The following RTTN variants were observed in gnomAD, a reference collection of about 807,000 sequenced individuals.
RTTN encodes rotatin.
A neutral mutation model predicts 269.2 loss-of-function variants in RTTN; 182 were observed. The ratio of observed to expected loss-of-function variants is 0.68; its 90% CI spans 0.60 to 0.76. The LOEUF is 0.76. Among genes scored for constraint, RTTN ranks in the 30% least tolerant of loss-of-function variants. The pLI, the probability that RTTN is intolerant of heterozygous loss-of-function variation, is 0.00. For missense variants in RTTN, 2,545 were observed against 2,608.6 expected (o/e 0.98, Z 0.53); for synonymous variants, 1,006 against 963.5 (o/e 1.04, Z -0.82).
intron 17 of RTTN, among the ~76,000 whole-genome samples, chr18:70,146,173 C>T (rs538595752): frequency 2.0e-5 from 3 of 152,082 alleles, no homozygotes; most frequent in African/African-American, 4.8e-5. Context: ...TTAAGTTGAA[C>T]CCACAGGAGA....
At chr18:70,050,774 T>C (rs2144801251) in intron 39 of RTTN, among the ~76,000 whole-genome samples, 1 of 152,268 alleles carries the variant, frequency 6.6e-6, no homozygotes, top group Non-Finnish European at 1.5e-5. Flanking sequence ...TCCTTTCAGG[T>C]ACACGGATGA....
chr18:70,199,322 G>A (rs1600079546), intron 5 of RTTN, 92 bp downstream of exon 5: 1 of 795,926 alleles, frequency 1.3e-6, no homozygotes, highest in Non-Finnish European at 2.0e-6. Flanking sequence ...ACTGCCACTA[G>A]TATCTTTTCC....
intron 32 of RTTN, among the ~76,000 whole-genome samples, chr18:70,079,447 C>T (rs906643548): frequency 1.3e-5 from 2 of 152,092 alleles, no homozygotes; most frequent in African/African-American, 4.8e-5. Flanking sequence ...CAGGCTCAGG[C>T]TTTCACAGAT....
chr18:70,067,106 C>T (rs993603107), intron 34 of RTTN, among the ~76,000 whole-genome samples: 1 of 151,524 alleles, frequency 6.6e-6, no homozygotes, highest in Non-Finnish European at 1.5e-5. Flanking sequence ...CATCAAATGC[C>T]TTATTTTATA....
chr18:70,164,717 C>T (rs1038427796), intron 14 of RTTN, among the ~76,000 whole-genome samples: 2 of 152,062 alleles, frequency 1.3e-5, no homozygotes, highest in Middle Eastern at 6.8e-3. Flanking sequence ...AATAAGAGTT[C>T]CACTTGGAGA....
At chr18:70,146,578 G>A (rs1471360472) in intron 17 of RTTN, among the ~76,000 whole-genome samples, 1 of 152,130 alleles carries the variant, frequency 6.6e-6, no homozygotes. Flanking sequence ...CATCATTAGG[G>A]TGGCCCTCCT....
At chr18:70,202,928 C>T (rs1357423464) in intron 3 of RTTN, among the ~76,000 whole-genome samples, 2 of 151,348 alleles carry the variant, frequency 1.3e-5, no homozygotes, top group African/African-American at 4.9e-5. Context: ...ACAGTACTGG[C>T]AGAGAAGAAA....
intron 23 of RTTN, chr18:70,131,920 A>C (rs1386818804): frequency 2.0e-5 from 3 of 151,900 alleles, no homozygotes; most frequent in Admixed American, 6.6e-5. Flanking sequence ...CAGATTGGAC[A>C]AAAAAACTCA....
chr18:70,052,059 A>C (rs1450812493), intron 38 of RTTN, among the ~76,000 whole-genome samples: 2 of 152,202 alleles, frequency 1.3e-5, no homozygotes, highest in African/African-American at 4.8e-5. Flanking sequence ...AGTATGACGC[A>C]AAAGAAGATT....
At chr18:70,033,256 A>G (rs2057071900) in intron 40 of RTTN, among the ~76,000 whole-genome samples, 1 of 152,204 alleles carries the variant, frequency 6.6e-6, no homozygotes, top group African/African-American at 2.4e-5. Flanking sequence ...TGCCAGCACT[A>G]TGCTTCCTTA....
intron 10 of RTTN, among the ~76,000 whole-genome samples, chr18:70,184,373 G>C (rs1171809929): frequency 1.3e-5 from 2 of 152,088 alleles, no homozygotes; most frequent in African/African-American, 4.8e-5. Flanking sequence ...GGCCAACATG[G>C]TGAAACCCTG....
At chr18:70,030,141 A>G in intron 41 of RTTN, 32 bp from the exon 42 acceptor site, 1 of 1,439,252 alleles carries the variant, frequency 6.9e-7, no homozygotes, top group Non-Finnish European at 9.7e-7. Flanking sequence ...AGTCAAAAGG[A>G]TATTCTATTT....
chr18:70,054,874 T>C (rs1168090746), intron 37 of RTTN, among the ~76,000 whole-genome samples: 1 of 152,020 alleles, frequency 6.6e-6, no homozygotes, highest in Non-Finnish European at 1.5e-5. Context: ...AAATCAATAT[T>C]ATGGAAGAAG....
At chr18:70,035,242 C>A (rs1420184996) in intron 40 of RTTN, among the ~76,000 whole-genome samples, 1 of 152,278 alleles carries the variant, frequency 6.6e-6, no homozygotes, top group East Asian at 1.9e-4. Flanking sequence ...CAAAAAAGAG[C>A]CCAAATCGCC....
chr18:70,190,661 T>C lies in RTTN; in HGVS notation c.1066A>G (p.Met356Val), dbSNP rs1411578729. ...AGCTCTGGCAGATCTATGTGTCCCA[T>C]ATCCAAAGGTGAATGAACGGATATC... ...SRISVHSPLD[M>V]GHIDLPELET... Residue 356 changes from methionine to valine, a missense_variant, in exon 9 of 49, where the codon ATG becomes GTG. Transcript: ENST00000640769. 4 of 1,613,510 alleles carry C rather than the reference T, an allele frequency of 2.5e-6. No homozygotes were observed. The highest frequency in any genetic ancestry group is 1.6e-4 in the Middle Eastern group (1 of 6,062).
At chr18:70,101,832 G>A (rs1305373316) in intron 28 of RTTN, among the ~76,000 whole-genome samples, 1 of 152,094 alleles carries the variant, frequency 6.6e-6, no homozygotes, top group Non-Finnish European at 1.5e-5. Context: ...ATTTCGTTAC[G>A]TACCCAGTAG....
intron 12 of RTTN, 104 bp from the exon 13 acceptor site, chr18:70,167,135 T>C: frequency 1.4e-6 from 1 of 711,490 alleles, no homozygotes; most frequent in Non-Finnish European, 2.4e-6. Context: ...TCAGAGACCA[T>C]GAGACTGTTT....
At chr18:70,061,850 T>C (rs372901367) in intron 35 of RTTN, among the ~76,000 whole-genome samples, 1 of 152,046 alleles carries the variant, frequency 6.6e-6, no homozygotes. Flanking sequence ...AACAAAATAA[T>C]TGATTCATAC....
intron 44 of RTTN, among the ~76,000 whole-genome samples, chr18:70,022,628 G>A (rs922928167): frequency 6.6e-6 from 1 of 152,116 alleles, no homozygotes; most frequent in Non-Finnish European, 1.5e-5. Flanking sequence ...ACACTAAGTA[G>A]GTTTCTGTTC....
Sources: allele counts gnomAD v4.1 joint callset (sites outside exome capture counted in the v4.1 genomes callset), GRCh38; gene constraint gnomAD v4.1.1; transcripts MANE v1.5; gene names NCBI Gene and HGNC (gene_info 2026-07-23, HGNC 2026-07-21).